HEPH: variants seen among roughly 807,000 people sequenced by gnomAD.
The protein encoded by HEPH is hephaestin.
In HEPH, 69 loss-of-function variants were observed where a neutral mutation model predicts 80.8. The ratio of observed to expected loss-of-function variants is 0.85; its 90% CI spans 0.70 to 1.04. The LOEUF is 1.04. Among genes scored for constraint, HEPH ranks in the 50% least tolerant of loss-of-function variants. HEPH has a pLI of 0.00. For missense variants in HEPH, 1,115 were observed against 891.3 expected (o/e 1.25, Z -3.20); for synonymous variants, 431 against 322.8 (o/e 1.34, Z -3.60).
At chrX:66,225,881 G>T (rs1045819659) in intron 15 of HEPH, among the ~76,000 whole-genome samples, 1 of 112,529 alleles carries the variant, frequency 8.9e-6, no homozygotes, top group Non-Finnish European at 1.9e-5. Context: ...CAGACACTGA[G>T]TTAAAGAAGG....
intron 19 of HEPH, 97 bp downstream of exon 19, chrX:66,260,359 G>C: frequency 1.5e-6 from 1 of 681,033 alleles, no homozygotes; most frequent in Admixed American, 2.8e-5. Flanking sequence ...GTCTCCTTCT[G>C]ATCCCACAAT....
At chrX:66,163,150 A>G (rs1024328642), upstream of HEPH, among the ~76,000 whole-genome samples, 1 of 111,582 alleles carries the variant, frequency 9.0e-6, no homozygotes, top group Non-Finnish European at 1.9e-5. Flanking sequence ...CTCATTGTAG[A>G]AATAGAAAGA....
chrX:66,178,528 C>T, intron 4 of HEPH, among the ~76,000 whole-genome samples: 1 of 112,479 alleles, frequency 8.9e-6, no homozygotes, highest in Middle Eastern at 4.6e-3. Context: ...ACACTGTCTT[C>T]CACAATGGAT....
At chrX:66,170,881 T>C in intron 2 of HEPH, 144 bp downstream of exon 2, 3 of 489,710 alleles carry the variant, frequency 6.1e-6, no homozygotes, top group Non-Finnish European at 1.0e-5. Flanking sequence ...AGTGGCAGAT[T>C]TCCTGGGAAG....
At chrX:66,204,104 G>A (rs2088631670) in intron 13 of HEPH, among the ~76,000 whole-genome samples, 2 of 112,015 alleles carry the variant, frequency 1.8e-5, no homozygotes, top group Non-Finnish European at 3.8e-5. Context: ...TGTTCCAGTT[G>A]TAGCTATTCC....
intron 15 of HEPH, among the ~76,000 whole-genome samples, chrX:66,245,495 C>G (rs1452242817): frequency 3.6e-5 from 4 of 111,249 alleles, no homozygotes; most frequent in African/African-American, 1.3e-4. Context: ...CCTTAGAGAC[C>G]TACAAAGAGA....
intron 15 of HEPH, among the ~76,000 whole-genome samples, chrX:66,234,648 T>G (rs1171082408): frequency 1.8e-5 from 2 of 110,107 alleles, no homozygotes; most frequent in Non-Finnish European, 3.8e-5. Context: ...TTTTGATTTT[T>G]TTTTTTTAGA....
chrX:66,258,871 G>A lies in HEPH; in HGVS notation c.2928G>A (p.Arg976=), dbSNP rs1318919903. The A allele has an allele frequency of 1.7e-6, 2 of 1,179,896 alleles. No homozygotes were observed. Among genetic ancestry groups the A allele is most frequent in the Non-Finnish European group, 2.3e-6 (2 of 881,029 alleles). Residue 976 remains arginine, a synonymous_variant, in exon 18 of 21, where the codon AGG becomes AGA. Coordinates refer to ENST00000343002, the MANE Select transcript of HEPH (RefSeq NM_001367233.3). ...AINGKLYANL[R]GLTMYQGERV... ...ATGGGAAACTCTATGCCAACCTTAG[G>A]GGTCTTACCATGTACCAAGGAGAAC...
At position 66,208,200 on chromosome X, in the gene HEPH, T is replaced by C; in HGVS notation, c.2517T>C (p.His839=). 8.3e-7 allele frequency: 1 copy of C among 1,208,304 alleles called. No individual in the cohort carries two copies. Among genetic ancestry groups the C allele is most frequent in the Non-Finnish European group, 1.1e-6 (1 of 892,757 alleles). ...GCCGCCCCTACTCTGTGCATGCTCA[T>C]GGAGTGCTAGAATCTACTACTGTCT... is the stretch of plus-strand genomic sequence containing the variant. The part of the protein sequence containing the change: ...NASRPYSVHA[H]GVLESTTVWP... Residue 839 remains histidine (H), a synonymous_variant, in exon 15 of 21, where the codon CAT becomes CAC. Coordinates refer to ENST00000343002, the MANE Select transcript of HEPH (RefSeq NM_001367233.3).
At chrX:66,186,238 G>C (rs1275600357) in intron 4 of HEPH, among the ~76,000 whole-genome samples, 4 of 98,093 alleles carry the variant, frequency 4.1e-5, no homozygotes, top group Middle Eastern at 5.1e-3. Context: ...CCCCCAGTTC[G>C]AGCTTCCAGG....
intron 4 of HEPH, among the ~76,000 whole-genome samples, chrX:66,175,256 G>A (rs182560895): frequency 9.5e-4 from 106 of 111,625 alleles, no homozygotes; most frequent in African/African-American, 2.7e-3. Flanking sequence ...ACCATTTGTC[G>A]AAAATGGTGT....
intron 20 of HEPH, 25 bp downstream of exon 20, chrX:66,263,713 G>T: frequency 8.4e-7 from 1 of 1,189,765 alleles, no homozygotes; most frequent in Non-Finnish European, 1.1e-6. Flanking sequence ...GCACAGACTG[G>T]GTACTTATAC....
chrX:66,259,087 C>A, intron 18 of HEPH, 108 bp downstream of exon 18: 1 of 859,104 alleles, frequency 1.2e-6, no homozygotes, highest in Non-Finnish European at 1.6e-6. Flanking sequence ...AGTTAAAGAG[C>A]AGAGGTCTAG....
intron 15 of HEPH, among the ~76,000 whole-genome samples, chrX:66,229,400 A>C (rs1368175745): frequency 9.0e-6 from 1 of 110,988 alleles, no homozygotes; most frequent in African/African-American, 3.3e-5. Flanking sequence ...GAGCTGAGCT[A>C]TGAGGATGCA....
In HEPH at chrX:66,264,787, A is replaced by T. The variant is rs1299628497; in HGVS notation, c.3244+1099A>T. 4.7e-5 allele frequency among the ~76,000 whole-genome samples: 5 copies of T among 105,373 alleles called. No individual in the cohort carries two copies. In the East Asian group the frequency reaches 1.2e-3, roughly 24 times the overall value. 91.5% of individuals were successfully genotyped at this position (105,373 alleles called of 115,157 possible). ...CATGTCTCTTTCAACCTGAGCAACT[A>T]AATTATTTTATATATATATTATATA... On this transcript the variant is annotated intron_variant, in intron 20 of 20. Transcript: ENST00000343002.
chrX:66,179,651 A>G (rs1016235373), intron 4 of HEPH, among the ~76,000 whole-genome samples: 7 of 111,522 alleles, frequency 6.3e-5, no homozygotes, highest in Non-Finnish European at 1.3e-4. Flanking sequence ...TAGTGCTGTC[A>G]GTGGAGTATT....
rs2086275477 is a variant in HEPH at position 66,164,431 on chromosome X, G to A, written c.-53G>A. On this transcript the variant is annotated 5_prime_UTR_variant, in exon 1 of 21. Transcript: ENST00000343002. ...TGGGGTCTGCAGTGCAGCATTAATG[G>A]GCCGCTGACATGAATATGGAGTAGT... 1 of 753,395 alleles carries A rather than the reference G, an allele frequency of 1.3e-6. No individual in the cohort carries two copies. 62.1% of individuals were successfully genotyped at this position (753,395 alleles called of 1,213,427 possible).
chrX:66,212,134 A>G (rs756017513), intron 15 of HEPH, among the ~76,000 whole-genome samples: 11 of 106,030 alleles, frequency 1.0e-4, no homozygotes, highest in African/African-American at 3.4e-4. Flanking sequence ...GGCCATTTGT[A>G]TGTCTTATTT....
At chrX:66,255,597 A>C (rs1414323127) in intron 16 of HEPH, among the ~76,000 whole-genome samples, 1 of 111,737 alleles carries the variant, frequency 8.9e-6, no homozygotes, top group Non-Finnish European at 1.9e-5. Context: ...GTAATCATTT[A>C]TTGAGTGCCT....
Sources: allele counts gnomAD v4.1 joint callset (sites outside exome capture counted in the v4.1 genomes callset), GRCh38; gene constraint gnomAD v4.1.1; transcripts MANE v1.5; gene names NCBI Gene and HGNC (gene_info 2026-07-23, HGNC 2026-07-21).